PCDHA13: variants seen among roughly 807,000 people sequenced by gnomAD.
PCDHA13 encodes the protein protocadherin alpha-13.
PCDHA13 carries 54 observed loss-of-function variants against 64.8 expected under a neutral mutation model. The observed-to-expected ratio is 0.83, with a 90% CI of 0.67 to 1.04. The LOEUF (loss-of-function observed/expected upper bound fraction) is 1.04, where lower values mean the gene tolerates loss of function less well. Among genes scored for constraint, PCDHA13 ranks in the 50% least tolerant of loss-of-function variants. The pLI, the probability that PCDHA13 is intolerant of heterozygous loss-of-function variation, is 0.00. For missense variants in PCDHA13, 1,248 were observed against 1,254.3 expected (o/e 0.99, Z 0.08); for synonymous variants, 587 against 564.4 (o/e 1.04, Z -0.57).
In PCDHA13 at chr5:140,993,460, TCTCACACA is replaced by T. The variant is rs782648313; in HGVS notation, c.2542+10899_2542+10906del. Among the ~76,000 whole-genome samples, 169 of 104,562 alleles carry T rather than the reference TCTCACACA, an allele frequency of 1.6e-3. 1 individual carries two copies. Among genetic ancestry groups the T allele is most frequent in the East Asian group, 0.012 (43 of 3,448 alleles). 68.6% of individuals were successfully genotyped at this position (104,562 alleles called of 152,430 possible). On this transcript the variant is annotated intron_variant, in intron 3 of 3. Coordinates refer to ENST00000289272, the MANE Select transcript of PCDHA13 (RefSeq NM_018904.3). ...TTCATTCCTGTTCTCCTTCTTTCTT[TCTCACACA>T]CACACACACACACACACACACACAC...
At chr5:140,926,829 G>A in intron 1 of PCDHA13, 1 of 1,501,192 alleles carries the variant, frequency 6.7e-7, no homozygotes, top group Middle Eastern at 2.1e-4. Context: ...CCAGGAGTCC[G>A]GAGCATGGTC....
Position 140,963,857 on chromosome 5 carries a change from G to A in PCDHA13, c.2395-15092G>A, listed in dbSNP as rs181224305. The stretch of plus-strand genomic sequence containing the variant: ...TTCTCATGTAATCATAATAATAACC[G>A]TATGAGTTTTGCTTACTATTGTTTT... On this transcript the variant is annotated intron_variant, in intron 1 of 3. Transcript: ENST00000289272. Among the ~76,000 whole-genome samples the A allele has an allele frequency of 5.3e-5, 8 of 152,252 alleles. 1 individual carries two copies. The East Asian group carries it at 7.7e-4, about 15-fold the overall frequency.
At chr5:140,945,366 T>A (rs1367581632) in intron 1 of PCDHA13, among the ~76,000 whole-genome samples, 6 of 152,036 alleles carry the variant, frequency 3.9e-5, no homozygotes, top group Non-Finnish European at 8.8e-5. Context: ...GTTTAAAATG[T>A]CCATATTACC....
intron 1 of PCDHA13, among the ~76,000 whole-genome samples, chr5:140,932,809 CAT>C (rs782729907): frequency 3.3e-5 from 5 of 151,746 alleles, no homozygotes; most frequent in Admixed American, 6.6e-5. Flanking sequence ...ACCTTGGAAA[CAT>C]ATAAGTGGGA....
At chr5:140,978,861 T>C (rs540878929) in intron 1 of PCDHA13, 88 bp from the exon 2 acceptor site, 1 of 1,599,110 alleles carries the variant, frequency 6.3e-7, no homozygotes, top group African/African-American at 1.3e-5. Flanking sequence ...CCTGGAAATA[T>C]TTAAGGGAGT....
At chr5:140,913,959 T>TA (rs1562996315) in intron 1 of PCDHA13, among the ~76,000 whole-genome samples, 4 of 152,166 alleles carry the variant, frequency 2.6e-5, no homozygotes, top group African/African-American at 7.2e-5. Context: ...GATATCATTT[T>TA]TAAAAAAATA....
chr5:140,926,526 C>G (rs2083305621), intron 1 of PCDHA13: 1 of 209,510 alleles, frequency 4.8e-6, no homozygotes, highest in Non-Finnish European at 9.3e-6. Flanking sequence ...GCCCTGCGCC[C>G]GCAGCCAGCG....
At position 140,901,836 on chromosome 5, in the gene PCDHA13, G is replaced by A. The variant is rs183480993; in HGVS notation, c.2394+17174G>A. On this transcript the variant is annotated intron_variant, in intron 1 of 3. Coordinates refer to ENST00000289272, the MANE Select transcript of PCDHA13 (RefSeq NM_018904.3). The stretch of plus-strand genomic sequence containing the variant: ...ATTGATTCTTCCAGTCCATAAACAT[G>A]CAATATCTTTCCATTTTTTTGTGTC... 2.6e-3 allele frequency among the ~76,000 whole-genome samples: 395 copies of A among 152,228 alleles called. 2 individuals carry two copies. The highest frequency in any genetic ancestry group is 9.2e-3 in the African/African-American group (384 of 41,554).
chr5:140,892,212 T>C (rs1554185117), intron 1 of PCDHA13, among the ~76,000 whole-genome samples: 5 of 152,236 alleles, frequency 3.3e-5, no homozygotes, highest in Admixed American at 2.6e-4. Context: ...TTTAAAATTG[T>C]ATCTTTATGG....
intron 1 of PCDHA13, among the ~76,000 whole-genome samples, chr5:140,901,445 C>T (rs1207516323): frequency 6.6e-6 from 1 of 152,074 alleles, no homozygotes; most frequent in Admixed American, 6.6e-5. Context: ...ATCTAGTTTC[C>T]CAGCACAGAC....
Position 140,883,702 on chromosome 5 carries a change from T to G in PCDHA13, c.1434T>G (p.Ser478=), listed in dbSNP as rs367854871. ...CGGGCTGCCACATCTTCACGGTGTC[T>G]GCTCAGGACGCGGACGCACAGGAGA... The part of the protein sequence containing the change: ...NPPGCHIFTV[S]AQDADAQENA... The change falls in exon 1 of 4, where the codon TCT becomes TCG. Residue 478 remains serine (S), a synonymous_variant. Transcript: ENST00000289272. 3 of 1,613,750 alleles carry G rather than the reference T, an allele frequency of 1.9e-6. No individual in the cohort carries two copies. The highest frequency in any genetic ancestry group is 2.5e-6 in the Non-Finnish European group (3 of 1,179,856).
chr5:140,931,544 A>G (rs1276156656), intron 1 of PCDHA13, among the ~76,000 whole-genome samples: 1 of 152,048 alleles, frequency 6.6e-6, no homozygotes, highest in Non-Finnish European at 1.5e-5. Context: ...TATACTGTTC[A>G]TATGTGCAGG....
Position 140,918,290 on chromosome 5 carries a change from C to A in PCDHA13, c.2394+33628C>A, listed in dbSNP as rs188994807. ...TTTATCAGATGTAGGAGCTTTTTGG[C>A]AGAGAATATAGGGTTTTCTAGGTAT... On this transcript the variant is annotated intron_variant, in intron 1 of 3. Transcript: ENST00000289272. Among the ~76,000 whole-genome samples the A allele has an allele frequency of 2.1e-3, 321 of 152,226 alleles. 1 individual carries two copies. Among genetic ancestry groups the A allele is most frequent in the African/African-American group, 7.5e-3 (313 of 41,534 alleles).
At position 141,009,957 on chromosome 5, in the gene PCDHA13, G is replaced by A; in HGVS notation, c.*20G>A. The stretch of plus-strand genomic sequence containing the variant: ...CAGTGAGGTCCTCAAATGGAAACAA[G>A]CCACTTAGCCAGTTTTTGTAATAAT... On this transcript the variant is annotated 3_prime_UTR_variant, in exon 4 of 4. Transcript: ENST00000289272. 1 of 1,589,160 alleles carries A rather than the reference G, an allele frequency of 6.3e-7. No individual in the cohort carries two copies. Among genetic ancestry groups the A allele is most frequent in the Non-Finnish European group, 8.5e-7 (1 of 1,171,102 alleles).
intron 1 of PCDHA13, among the ~76,000 whole-genome samples, chr5:140,898,264 C>T (rs1360270871): frequency 6.6e-6 from 1 of 152,166 alleles, no homozygotes; most frequent in Non-Finnish European, 1.5e-5. Context: ...AGTCCTTGCC[C>T]ATGCCTAAGT....
chr5:140,882,617 T>TA lies in PCDHA13; in HGVS notation c.349_350insA (p.Phe117TyrfsTer11). The TA allele has an allele frequency of 6.2e-7, 1 of 1,614,218 alleles. No individual in the cohort carries two copies. Among genetic ancestry groups the TA allele is most frequent in the Non-Finnish European group, 8.5e-7 (1 of 1,180,022 alleles). On this transcript the variant is annotated frameshift_variant, in exon 1 of 4. Coordinates refer to ENST00000289272, the MANE Select transcript of PCDHA13 (RefSeq NM_018904.3). LOFTEE classifies it high-confidence loss of function. ...GATCGTGGACAGGCCTCTGCAGGTT[T>TA]TCCATGTGGAGGTGAAGGTGAGGGA...
chr5:141,006,351 A>G (rs537027677), intron 3 of PCDHA13, among the ~76,000 whole-genome samples: 1 of 151,966 alleles, frequency 6.6e-6, no homozygotes, highest in Non-Finnish European at 1.5e-5. Flanking sequence ...AGCTGGGACT[A>G]TAGGCGCCCA....
Position 140,882,483 on chromosome 5 carries a change from G to C in PCDHA13, c.215G>C (p.Gly72Ala). ...RLFRVASKRH[G>A]DLLEVNLQNG... ...TTCCGGGTGGCGTCCAAAAGACACG[G>C]GGACCTTCTGGAGGTAAATCTGCAG... Residue 72 changes from glycine to alanine, a missense_variant, in exon 1 of 4, where the codon GGG becomes GCG. By Grantham distance (60) the Gly-to-Ala change is moderately conservative. Coordinates refer to ENST00000289272, the MANE Select transcript of PCDHA13 (RefSeq NM_018904.3). 2 of 1,614,080 alleles carry C rather than the reference G, an allele frequency of 1.2e-6. No individual in the cohort carries two copies. Among genetic ancestry groups the C allele is most frequent in the Non-Finnish European group, 1.7e-6 (2 of 1,180,052 alleles).
At chr5:141,000,768 A>G (rs1434125702) in intron 3 of PCDHA13, among the ~76,000 whole-genome samples, 43 of 151,864 alleles carry the variant, frequency 2.8e-4, no homozygotes, top group African/African-American at 4.8e-5. Context: ...TTAGCCAGGC[A>G]TAGTGGCGCA....
Sources: allele counts gnomAD v4.1 joint callset (sites outside exome capture counted in the v4.1 genomes callset), GRCh38; gene constraint gnomAD v4.1.1; transcripts MANE v1.5; gene names NCBI Gene and HGNC (gene_info 2026-07-23, HGNC 2026-07-21).